Variants in MNAT1 observed in about 807,000 individuals in gnomAD.
MNAT1 encodes CDK-activating kinase assembly factor MAT1.
In MNAT1, 43 loss-of-function variants were observed where a neutral mutation model predicts 42.0. The ratio of observed to expected loss-of-function variants is 1.02; its 90% CI spans 0.80 to 1.32. MNAT1 has a LOEUF of 1.32. Among genes scored for constraint, MNAT1 ranks in the 40% most tolerant of loss-of-function variants. The probability of loss-of-function intolerance (pLI) is 0.00; values close to 1 mark genes in which losing one functional copy is unlikely to be tolerated. For synonymous variants in MNAT1, 118 were observed against 120.0 expected, an observed-to-expected ratio of 0.98 and a Z score of 0.11; for missense variants, 306 against 350.4, an observed-to-expected ratio of 0.87 and a Z score of 1.01.
intron 7 of MNAT1, among the ~76,000 whole-genome samples, chr14:60,910,401 C>G (rs1173848208): frequency 6.6e-6 from 1 of 152,098 alleles, no homozygotes; most frequent in Non-Finnish European, 1.5e-5. Flanking sequence ...CTGTCTTGTG[C>G]CAGTTTTCAA....
At position 60,740,110 on chromosome 14, in the gene MNAT1, A is replaced by C. The variant is rs1290015347; in HGVS notation, c.89+5159A>C. On this transcript the variant is annotated intron_variant, in intron 1 of 7. Transcript: ENST00000261245. The surrounding 1 kb of genome is among the most constrained non-coding windows in gnomAD (Gnocchi z 4.1). Reference sequence around the variant, plus strand: ...GCAGAGGTTGCAGTGAGCCGAGATCACACCACTGCACTCCAGCCTAGGCTA... The same window carrying C: ...GCAGAGGTTGCAGTGAGCCGAGATCCCACCACTGCACTCCAGCCTAGGCTA... Among the ~76,000 whole-genome samples, 1 of 151,930 alleles carries C rather than the reference A, an allele frequency of 6.6e-6. No individual in the cohort carries two copies. The highest frequency in any genetic ancestry group is 1.5e-5 in the Non-Finnish European group (1 of 67,968).
chr14:60,946,560 T>C (rs768147549), intron 7 of MNAT1, among the ~76,000 whole-genome samples: 1 of 152,182 alleles, frequency 6.6e-6, no homozygotes, highest in Admixed American at 6.5e-5. Context: ...TGATTTCTTC[T>C]GAATCCTTTT....
chr14:60,807,759 T>C (rs983510416), intron 3 of MNAT1, among the ~76,000 whole-genome samples: 3 of 152,150 alleles, frequency 2.0e-5, no homozygotes, highest in African/African-American at 7.2e-5. Context: ...CTTTAAGTTT[T>C]GGTGCCAGTT....
intron 6 of MNAT1, among the ~76,000 whole-genome samples, chr14:60,840,487 A>G (rs2033517730): frequency 6.6e-6 from 1 of 152,150 alleles, no homozygotes; most frequent in African/African-American, 2.4e-5. Flanking sequence ...TGCCTTACTC[A>G]GTCATTGGCT....
chr14:60,908,428 G>A (rs759746837), intron 7 of MNAT1, among the ~76,000 whole-genome samples: 22 of 152,006 alleles, frequency 1.4e-4, no homozygotes, highest in Non-Finnish European at 2.1e-4. Flanking sequence ...CCATTAACTC[G>A]TCATTTAACA....
intron 7 of MNAT1, among the ~76,000 whole-genome samples, chr14:60,958,538 C>T (rs1366143713): frequency 6.6e-6 from 1 of 151,550 alleles, no homozygotes; most frequent in Non-Finnish European, 1.5e-5. Context: ...GTTTCATGTA[C>T]CTTGATGTTT....
At chr14:60,868,134 A>T (rs547398081) in intron 6 of MNAT1, among the ~76,000 whole-genome samples, 78 of 152,270 alleles carry the variant, frequency 5.1e-4, no homozygotes, top group African/African-American at 1.9e-3. Flanking sequence ...AGTGCCAGGT[A>T]TATTCTTTAA....
intron 6 of MNAT1, among the ~76,000 whole-genome samples, chr14:60,864,665 A>G (rs1007069357): frequency 2.0e-5 from 3 of 152,052 alleles, no homozygotes; most frequent in South Asian, 2.1e-4. Flanking sequence ...ATAAAAGACA[A>G]TTTATGTGAA....
chr14:60,920,461 C>G (rs1362810740), intron 7 of MNAT1, among the ~76,000 whole-genome samples: 1 of 152,046 alleles, frequency 6.6e-6, no homozygotes, highest in African/African-American at 2.4e-5. Context: ...GCTCCGTCGC[C>G]CAGGCTGGAG....
chr14:60,917,604 A>G, intron 7 of MNAT1, among the ~76,000 whole-genome samples: 1 of 151,044 alleles, frequency 6.6e-6, no homozygotes. Context: ...AATAGATTTG[A>G]GTTTTGTTTT....
intron 2 of MNAT1, 35 bp from the exon 3 acceptor site, chr14:60,798,052 T>A (rs569167907): frequency 7.1e-6 from 7 of 987,984 alleles, no homozygotes; most frequent in South Asian, 1.3e-5. Flanking sequence ...AGCAATGATA[T>A]GTAATATGTA....
intron 7 of MNAT1, among the ~76,000 whole-genome samples, chr14:60,898,749 T>C (rs941135462): frequency 6.6e-6 from 1 of 152,072 alleles, no homozygotes; most frequent in Non-Finnish European, 1.5e-5. Flanking sequence ...TGTGCAGAAG[T>C]TTTTAGTTTA....
intron 6 of MNAT1, among the ~76,000 whole-genome samples, chr14:60,874,904 T>C (rs1162396670): frequency 6.6e-6 from 1 of 152,154 alleles, no homozygotes; most frequent in Non-Finnish European, 1.5e-5. Context: ...TTTAAAAATT[T>C]AAAAAACATA....
intron 7 of MNAT1, among the ~76,000 whole-genome samples, chr14:60,951,499 T>G (rs746522560): frequency 6.6e-6 from 1 of 152,132 alleles, no homozygotes; most frequent in African/African-American, 2.4e-5. Context: ...CTATTTTCTG[T>G]CCTTCTGTGG....
At chr14:60,882,755 C>A (rs772575531) in intron 7 of MNAT1, among the ~76,000 whole-genome samples, 4 of 151,994 alleles carry the variant, frequency 2.6e-5, no homozygotes, top group Non-Finnish European at 5.9e-5. Context: ...TACTGCTTGT[C>A]TTTGGATAAA....
chr14:60,851,948 T>C (rs562747345), intron 6 of MNAT1, among the ~76,000 whole-genome samples: 3 of 152,292 alleles, frequency 2.0e-5, no homozygotes, highest in Admixed American at 6.5e-5. Flanking sequence ...ATCCAGTCTA[T>C]CATTAGTGCG....
intron 6 of MNAT1, among the ~76,000 whole-genome samples, chr14:60,863,989 A>G (rs535501843): frequency 6.6e-6 from 1 of 152,184 alleles, no homozygotes; most frequent in Non-Finnish European, 1.5e-5. Flanking sequence ...ACATTCATTA[A>G]CAGACAAGCC....
Position 60,903,113 on chromosome 14 carries a change from G to A in MNAT1, c.809+23278G>A, listed in dbSNP as rs564941004. On this transcript the variant is annotated intron_variant, in intron 7 of 7. Coordinates refer to ENST00000261245, the MANE Select transcript of MNAT1 (RefSeq NM_002431.4). ...AATGCCTCAAGTGTTTCATCATTAA[G>A]TATTATATTCGCTGTTTAAGTGTTT... Among the ~76,000 whole-genome samples the A allele has an allele frequency of 7.8e-5, 10 of 127,680 alleles. No individual in the cohort carries two copies. In the South Asian group the frequency reaches 2.7e-3, roughly 35 times the overall value. 83.8% of individuals were successfully genotyped at this position (127,680 alleles called of 152,430 possible).
chr14:60,759,407 TAAAAC>T (rs1455124537), intron 1 of MNAT1, among the ~76,000 whole-genome samples: 1 of 152,148 alleles, frequency 6.6e-6, no homozygotes, highest in African/African-American at 2.4e-5. Context: ...GCATTTAAAT[TAAAAC>T]AAAACAAAAA....
Sources: allele counts gnomAD v4.1 joint callset (sites outside exome capture counted in the v4.1 genomes callset), GRCh38; gene constraint gnomAD v4.1.1; non-coding constraint Gnocchi (gnomAD v3.1); transcripts MANE v1.5; gene names NCBI Gene and HGNC (gene_info 2026-07-23, HGNC 2026-07-21).